KRT8: variants seen among roughly 807,000 people sequenced by gnomAD.
KRT8 encodes the protein keratin 8.
KRT8 carries 24 observed loss-of-function variants against 43.0 expected under a neutral mutation model. That is an observed-to-expected ratio of 0.56 (90% confidence interval 0.40 to 0.78). The LOEUF (loss-of-function observed/expected upper bound fraction) is 0.78. Ranked by LOEUF, KRT8 falls within the 30% of genes least tolerant of loss-of-function variation. KRT8 has a pLI of 0.00. For synonymous variants in KRT8, 214 were observed against 261.2 expected, an observed-to-expected ratio of 0.82 and a Z score of 1.74; for missense variants, 492 against 638.4, an observed-to-expected ratio of 0.77 and a Z score of 2.47.
upstream of KRT8, among the ~76,000 whole-genome samples, chr12:52,907,856 G>A (rs556935099): frequency 1.6e-4 from 25 of 152,334 alleles, no homozygotes; most frequent in Middle Eastern, 3.4e-3. Context: ...AAGGCCCCTG[G>A]GACTAGGGCC....
At chr12:52,902,638 T>C (rs34260645) in intron 1 of KRT8, among the ~76,000 whole-genome samples, 56,175 of 151,894 alleles carry the variant, frequency 0.37, 10,689 homozygotes, top group Middle Eastern at 0.41. Context: ...TTGGCCCGCC[T>C]TGGCCTCCCA....
At chr12:52,949,582 A>T (rs759391099) in exon 2 of KRT8, 1 of 1,613,610 alleles carries the variant, frequency 6.2e-7, no homozygotes, top group Non-Finnish European at 8.5e-7. Flanking sequence ...CGAGGACCTG[A>T]GGGCTCAGGT....
At chr12:52,930,089 T>C (rs1334036205) in intron 2 of KRT8, among the ~76,000 whole-genome samples, 1 of 152,248 alleles carries the variant, frequency 6.6e-6, no homozygotes, top group Non-Finnish European at 1.5e-5. Context: ...TGTTAAATAA[T>C]GTGATACATG....
chr12:52,904,560 G>T, intron 1 of KRT8, 98 bp downstream of exon 1: 2 of 1,174,330 alleles, frequency 1.7e-6, no homozygotes, highest in Non-Finnish European at 2.5e-6. Context: ...GTGAGGCCCA[G>T]CAGGACGCCA....
At chr12:52,926,602 G>T in intron 2 of KRT8, 1 of 673,462 alleles carries the variant, frequency 1.5e-6, no homozygotes, top group Non-Finnish European at 2.6e-6. Flanking sequence ...CTGTGGGCAT[G>T]TCTGAGCTCC....
At chr12:52,912,169 A>G (rs1322065925) in intron 2 of KRT8, among the ~76,000 whole-genome samples, 2 of 152,226 alleles carry the variant, frequency 1.3e-5, no homozygotes, top group Non-Finnish European at 2.9e-5. Context: ...GGGCGGGCAC[A>G]TTTTGATGGA....
chr12:52,918,789 C>T (rs1389091974), intron 2 of KRT8, among the ~76,000 whole-genome samples: 1 of 152,182 alleles, frequency 6.6e-6, no homozygotes, highest in African/African-American at 2.4e-5. Flanking sequence ...CAAAGCCTTT[C>T]TCCACACAAT....
At chr12:52,918,883 A>G (rs1233214069) in intron 2 of KRT8, among the ~76,000 whole-genome samples, 1 of 151,996 alleles carries the variant, frequency 6.6e-6, no homozygotes, top group East Asian at 1.9e-4. Context: ...GCCTTGTGAG[A>G]GTTTAAGCCT....
chr12:52,926,533 A>G, intron 2 of KRT8: 1 of 1,356,624 alleles, frequency 7.4e-7, no homozygotes, highest in East Asian at 2.5e-5. Context: ...GGAAGTGGCC[A>G]CTCCTATAGA....
chr12:52,898,403 G>A (rs959408729), intron 7 of KRT8, 58 bp downstream of exon 7: 5 of 1,470,608 alleles, frequency 3.4e-6, no homozygotes, highest in African/African-American at 2.8e-5. Context: ...CCTCCCTGGA[G>A]CTGAGGCCTC....
intron 2 of KRT8, chr12:52,901,597 C>T (rs1266617267): frequency 6.9e-6 from 4 of 579,876 alleles, no homozygotes; most frequent in Non-Finnish European, 1.2e-5. Flanking sequence ...TCTCTCCCGT[C>T]TCAGGTTTAC....
chr12:52,904,254 A>G (rs1284214848), intron 1 of KRT8, among the ~76,000 whole-genome samples: 1 of 152,202 alleles, frequency 6.6e-6, no homozygotes, highest in East Asian at 1.9e-4. Flanking sequence ...GCAGGGCGAT[A>G]GCTTAAAAGA....
upstream of KRT8, among the ~76,000 whole-genome samples, chr12:52,910,752 C>G (rs1005486446): frequency 6.6e-6 from 1 of 152,198 alleles, no homozygotes; most frequent in Non-Finnish European, 1.5e-5. Flanking sequence ...TATAGGCATC[C>G]TGCCCACCCC....
At chr12:52,900,538 G>C (rs1191146126) in intron 4 of KRT8, 50 bp downstream of exon 4, 1 of 1,196,224 alleles carries the variant, frequency 8.4e-7, no homozygotes, top group African/African-American at 1.5e-5. Flanking sequence ...TCAGGGTGGA[G>C]GCGCTGACAA....
intron 2 of KRT8, among the ~76,000 whole-genome samples, chr12:52,918,211 GA>G (rs1941809475): frequency 7.2e-6 from 1 of 137,942 alleles, no homozygotes; most frequent in Non-Finnish European, 1.6e-5. Flanking sequence ...AGAACAAGAA[GA>G]AGAAGAAGAA....
At chr12:52,947,294 G>T (rs1337057628) in intron 2 of KRT8, 1 of 152,198 alleles carries the variant, frequency 6.6e-6, no homozygotes, top group Admixed American at 6.5e-5. Flanking sequence ...GTCCCCTGGG[G>T]CCAGGCTTCT....
At chr12:52,915,639 G>C (rs930175545) in intron 2 of KRT8, among the ~76,000 whole-genome samples, 1 of 152,004 alleles carries the variant, frequency 6.6e-6, no homozygotes, top group African/African-American at 2.4e-5. Context: ...GAACCCAGGA[G>C]GCAGAGGCTG....
At chr12:52,927,706 C>T (rs956129793) in intron 2 of KRT8, among the ~76,000 whole-genome samples, 2 of 152,222 alleles carry the variant, frequency 1.3e-5, no homozygotes, top group Admixed American at 1.3e-4. Context: ...ACCTGCTTTA[C>T]AGACACACAT....
At chr12:52,923,036 C>T (rs534766203) in intron 2 of KRT8, among the ~76,000 whole-genome samples, 46 of 152,266 alleles carry the variant, frequency 3.0e-4, no homozygotes, top group Middle Eastern at 3.4e-3. Flanking sequence ...GTGAGGGTTC[C>T]GTAGCCAGGC....
Sources: gnomAD v4.1 joint callset for allele counts (sites outside exome capture counted in the v4.1 genomes callset) on GRCh38, gnomAD v4.1.1 for gene constraint, MANE v1.5 for transcripts, NCBI Gene and HGNC (gene_info 2026-07-23, HGNC 2026-07-21) for gene names.